The following LIPA variants were observed in gnomAD, a reference collection of about 807,000 sequenced individuals.
The protein encoded by LIPA is lysosomal acid lipase/cholesteryl ester hydrolase.
Under a neutral mutation model 40.6 loss-of-function variants are expected in LIPA, and 26 were observed. The observed-to-expected ratio is 0.64, with a 90% confidence interval of 0.47 to 0.89. LIPA has a LOEUF of 0.89. Ranked by LOEUF, LIPA falls within the 40% of genes least tolerant of loss-of-function variation. The pLI, the probability that LIPA is intolerant of heterozygous loss-of-function variation, is 0.00. For missense variants in LIPA, 455 were observed against 479.6 expected, an observed-to-expected ratio of 0.95 and a Z score of 0.48; for synonymous variants, 188 against 168.4, an observed-to-expected ratio of 1.12 and a Z score of -0.90.
intron 1 of LIPA, among the ~76,000 whole-genome samples, chr10:89,271,502 T>A (rs1054960810): frequency 2.0e-5 from 3 of 152,246 alleles, no homozygotes; most frequent in African/African-American, 7.2e-5. Context: ...GGGTGATTTA[T>A]CCTGGCTATG....
At chr10:89,374,742 G>C (rs1004741495) in intron 2 of LIPA, among the ~76,000 whole-genome samples, 1 of 152,188 alleles carries the variant, frequency 6.6e-6, no homozygotes, top group Non-Finnish European at 1.5e-5. Context: ...ATCTGATACA[G>C]AACTGGAGAG....
chr10:89,248,169 A>ATTT (rs771857161), intron 1 of LIPA, among the ~76,000 whole-genome samples: 5 of 120,642 alleles, frequency 4.1e-5, no homozygotes, highest in Non-Finnish European at 8.7e-5. Flanking sequence ...CTGCCCAGGA[A>ATTT]TTTTTTTTTT....
chr10:89,336,818 G>C (rs1589609321), intron 1 of LIPA, among the ~76,000 whole-genome samples: 1 of 152,132 alleles, frequency 6.6e-6, no homozygotes, highest in Non-Finnish European at 1.5e-5. Flanking sequence ...ATGATTTCTG[G>C]AGGTTCTTTC....
chr10:89,329,250 G>A, intron 1 of LIPA, among the ~76,000 whole-genome samples: 1 of 152,110 alleles, frequency 6.6e-6, no homozygotes, highest in Non-Finnish European at 1.5e-5. Flanking sequence ...TCATGTTTGG[G>A]GATGAGATGG....
intron 2 of LIPA, among the ~76,000 whole-genome samples, chr10:89,351,054 GC>G (rs1843955825): frequency 6.6e-6 from 1 of 152,188 alleles, no homozygotes; most frequent in Admixed American, 6.5e-5. Context: ...AGTGGCTCAC[GC>G]CTGTAATCCC....
upstream of LIPA, among the ~76,000 whole-genome samples, chr10:89,254,748 C>T (rs752376941): frequency 9.2e-5 from 14 of 152,168 alleles, no homozygotes; most frequent in Non-Finnish European, 1.9e-4. Flanking sequence ...ATTCTTTTAA[C>T]AGCACCCAAG....
chr10:89,293,925 G>C (rs1843393697), intron 1 of LIPA, among the ~76,000 whole-genome samples: 1 of 152,198 alleles, frequency 6.6e-6, no homozygotes, highest in Non-Finnish European at 1.5e-5. Flanking sequence ...TCAGTCCAAA[G>C]CAGTTGTTTA....
intron 1 of LIPA, among the ~76,000 whole-genome samples, chr10:89,274,805 T>C (rs774039202): frequency 9.2e-5 from 14 of 152,216 alleles, no homozygotes; most frequent in Non-Finnish European, 1.5e-4. Context: ...ACAGACTTTA[T>C]TGGAGTTTTC....
intron 2 of LIPA, among the ~76,000 whole-genome samples, chr10:89,351,584 C>A (rs1843958941): frequency 6.6e-6 from 1 of 152,212 alleles, no homozygotes. Context: ...TAACAACAGG[C>A]AGCCACAGGT....
At chr10:89,322,182 G>A (rs995230573) in intron 1 of LIPA, among the ~76,000 whole-genome samples, 4 of 152,072 alleles carry the variant, frequency 2.6e-5, no homozygotes, top group African/African-American at 7.2e-5. Flanking sequence ...ACAAACCTGC[G>A]TGTTGTGCAC....
chr10:89,270,477 T>C (rs992861071), intron 1 of LIPA, among the ~76,000 whole-genome samples: 5 of 152,226 alleles, frequency 3.3e-5, no homozygotes, highest in Non-Finnish European at 7.3e-5. Context: ...ACTGCCACCT[T>C]ATTGCAATTT....
At chr10:89,248,759 C>T (rs935246432) in intron 1 of LIPA, among the ~76,000 whole-genome samples, 7 of 151,888 alleles carry the variant, frequency 4.6e-5, no homozygotes, top group African/African-American at 1.2e-4. Flanking sequence ...GGATGACAGG[C>T]GTGAGCCACC....
intron 1 of LIPA, among the ~76,000 whole-genome samples, chr10:89,276,422 CAAA>C (rs1392154563): frequency 6.6e-6 from 1 of 152,202 alleles, no homozygotes; most frequent in Non-Finnish European, 1.5e-5. Flanking sequence ...CAGATAGACA[CAAA>C]TTCAAAAGTA....
At chr10:89,247,903 C>T (rs1438346856) in intron 1 of LIPA, 1 of 162,288 alleles carries the variant, frequency 6.2e-6, no homozygotes, top group East Asian at 1.7e-4. Context: ...GAGTCTTGCT[C>T]TGTCACCCAG....
intron 4 of LIPA, among the ~76,000 whole-genome samples, chr10:89,227,470 C>A (rs1419854009): frequency 2.6e-5 from 4 of 152,216 alleles, no homozygotes; most frequent in African/African-American, 9.7e-5. Context: ...TAAAAGCTCT[C>A]ATTCTTGTGT....
At chr10:89,365,045 T>C (rs1844047539) in intron 2 of LIPA, among the ~76,000 whole-genome samples, 2 of 152,312 alleles carry the variant, frequency 1.3e-5, no homozygotes, top group South Asian at 2.1e-4. Flanking sequence ...TTGGAGAGTG[T>C]TGACAAATTT....
intron 2 of LIPA, among the ~76,000 whole-genome samples, chr10:89,376,258 T>G (rs1041615108): frequency 6.6e-6 from 1 of 150,818 alleles, no homozygotes; most frequent in Non-Finnish European, 1.5e-5. Context: ...ACTTGTCTCA[T>G]GCGAATGGGG....
intron 2 of LIPA, among the ~76,000 whole-genome samples, chr10:89,407,825 G>A (rs1207441441): frequency 6.6e-6 from 1 of 151,962 alleles, no homozygotes; most frequent in Non-Finnish European, 1.5e-5. Context: ...AAGGGTGCAG[G>A]TTTTCGAGAA....
At chr10:89,234,468 A>G (rs751362448) in intron 3 of LIPA, among the ~76,000 whole-genome samples, 10 of 152,376 alleles carry the variant, frequency 6.6e-5, no homozygotes, top group Middle Eastern at 3.4e-3. Flanking sequence ...ACGGATCCTC[A>G]GCAAAGAAAA....
Sources: allele counts gnomAD v4.1 joint callset (sites outside exome capture counted in the v4.1 genomes callset), GRCh38; gene constraint gnomAD v4.1.1; transcripts MANE v1.5; gene names NCBI Gene and HGNC (gene_info 2026-07-23, HGNC 2026-07-21).